LRRC4C: variants seen among roughly 807,000 people sequenced by gnomAD.
LRRC4C encodes the protein leucine rich repeat containing 4C.
A neutral mutation model predicts 33.6 loss-of-function variants in LRRC4C; 5 were observed. That is an observed-to-expected ratio of 0.15 (90% CI 0.08 to 0.31). The LOEUF (loss-of-function observed/expected upper bound fraction) is 0.31. LRRC4C is among the 10% of genes least tolerant of loss of function. The pLI, the probability that LRRC4C is intolerant of heterozygous loss-of-function variation, is 1.00. For missense variants in LRRC4C, 560 were observed against 796.7 expected (o/e 0.70, Z 3.58); for synonymous variants, 329 against 302.0 (o/e 1.09, Z -0.93).
chr11:40,396,937 A>G (rs1949565569), intron 3 of LRRC4C, among the ~76,000 whole-genome samples: 1 of 152,128 alleles, frequency 6.6e-6, no homozygotes, highest in Admixed American at 6.6e-5. Context: ...AAGTATTAAT[A>G]AGATGCAGAT....
intron 4 of LRRC4C, among the ~76,000 whole-genome samples, chr11:40,266,889 A>G (rs1942300358): frequency 6.6e-6 from 1 of 152,066 alleles, no homozygotes; most frequent in Non-Finnish European, 1.5e-5. Flanking sequence ...CATAAAATTC[A>G]CTTCCAGAAG....
chr11:40,430,848 C>CA (rs1270386849), intron 3 of LRRC4C, among the ~76,000 whole-genome samples: 8 of 145,362 alleles, frequency 5.5e-5, no homozygotes, highest in African/African-American at 2.0e-4. Context: ...ATCGCAAGAA[C>CA]AAAAAACCAA....
chr11:40,252,850 A>C (rs1866895401), intron 4 of LRRC4C, among the ~76,000 whole-genome samples: 1 of 152,352 alleles, frequency 6.6e-6, no homozygotes, highest in Non-Finnish European at 1.5e-5. Flanking sequence ...GCACTTTCAT[A>C]TAGACATGTC....
At chr11:41,412,400 T>A (rs1954522877) in intron 1 of LRRC4C, among the ~76,000 whole-genome samples, 1 of 152,214 alleles carries the variant, frequency 6.6e-6, no homozygotes, top group African/African-American at 2.4e-5. Context: ...TATGGTACAA[T>A]TAATCTCATT....
In LRRC4C at chr11:40,384,327, C is replaced by T. The variant is rs191239241; in HGVS notation, c.-269-64606G>A. On this transcript the variant is annotated intron_variant, in intron 3 of 6. Coordinates refer to ENST00000528697, the MANE Select transcript of LRRC4C (RefSeq NM_001258419.2). ...TAAAGAAAAACTATATTGAAATCTTCTTTCTTGTAAACATATTACAAGTAA... is the reference window on the plus strand; with the variant it reads ...TAAAGAAAAACTATATTGAAATCTTTTTTCTTGTAAACATATTACAAGTAA... Among the ~76,000 whole-genome samples the T allele has an allele frequency of 8.7e-4, 133 of 152,176 alleles. 2 individuals are homozygous for T. In the Middle Eastern group the frequency reaches 0.014, roughly 16 times the overall value.
intron 1 of LRRC4C, among the ~76,000 whole-genome samples, chr11:41,052,477 T>C (rs910464798): frequency 2.6e-5 from 4 of 151,716 alleles, no homozygotes; most frequent in Non-Finnish European, 5.9e-5. Context: ...TCTGGTATGT[T>C]CCCGTCCATC....
Position 40,587,434 on chromosome 11 carries a change from C to G in LRRC4C, c.-270+60708G>C, listed in dbSNP as rs1466919667. Among the ~76,000 whole-genome samples the G allele has an allele frequency of 4.0e-3, 588 of 146,746 alleles. 1 individual carries two copies. The highest frequency in any genetic ancestry group is 0.014 in the African/African-American group (532 of 38,508). On this transcript the variant is annotated intron_variant, in intron 3 of 6. Coordinates refer to ENST00000528697, the MANE Select transcript of LRRC4C (RefSeq NM_001258419.2). ...TGTCGTCTGCAAACAGGGACAATTT[C>G]ACTTCCTCTTTTCCTAATTGAATAC...
At chr11:40,649,321 T>A (rs1046797356) in intron 2 of LRRC4C, among the ~76,000 whole-genome samples, 2 of 152,168 alleles carry the variant, frequency 1.3e-5, no homozygotes, top group East Asian at 1.9e-4. Context: ...CCCCCAAGAA[T>A]GCATTCCTTT....
intron 1 of LRRC4C, among the ~76,000 whole-genome samples, chr11:41,172,665 C>A (rs2136104191): frequency 6.6e-6 from 1 of 152,224 alleles, no homozygotes; most frequent in East Asian, 1.9e-4. Flanking sequence ...TTCCTCTCCT[C>A]CAACCAGAAG....
At chr11:40,316,060 T>A (rs1945558451) in intron 4 of LRRC4C, among the ~76,000 whole-genome samples, 1 of 151,952 alleles carries the variant, frequency 6.6e-6, no homozygotes, top group Non-Finnish European at 1.5e-5. Flanking sequence ...CCACTACCAA[T>A]ATAGCCACAT....
intron 2 of LRRC4C, among the ~76,000 whole-genome samples, chr11:40,702,873 C>T (rs1349358605): frequency 1.3e-5 from 2 of 152,086 alleles, no homozygotes; most frequent in African/African-American, 4.8e-5. Context: ...CTTCATCCCC[C>T]TGTGTGAAAA....
intron 2 of LRRC4C, among the ~76,000 whole-genome samples, chr11:40,833,905 T>C (rs1029244445): frequency 3.3e-5 from 5 of 152,164 alleles, no homozygotes; most frequent in Non-Finnish European, 5.9e-5. Context: ...GTTGTATTTC[T>C]GTCAGTAAAT....
At chr11:40,124,332 A>G (rs1440703709) in intron 6 of LRRC4C, among the ~76,000 whole-genome samples, 1 of 152,220 alleles carries the variant, frequency 6.6e-6, no homozygotes, top group African/African-American at 2.4e-5. Flanking sequence ...GGAAATCAAT[A>G]TATGGAAGAA....
At chr11:41,056,830 C>T (rs962652743) in intron 1 of LRRC4C, among the ~76,000 whole-genome samples, 2 of 152,214 alleles carry the variant, frequency 1.3e-5, no homozygotes, top group African/African-American at 4.8e-5. Context: ...GATGGGCCAT[C>T]TGGAGCAGCC....
intron 5 of LRRC4C, among the ~76,000 whole-genome samples, chr11:40,177,882 G>A (rs992239509): frequency 1.3e-5 from 2 of 152,062 alleles, no homozygotes; most frequent in Non-Finnish European, 2.9e-5. Context: ...CTAGAATTGA[G>A]CCTGGCACAT....
At chr11:40,514,035 A>G (rs188583884) in intron 3 of LRRC4C, among the ~76,000 whole-genome samples, 2 of 152,248 alleles carry the variant, frequency 1.3e-5, no homozygotes, top group African/African-American at 2.4e-5. Flanking sequence ...GCAAATAGTA[A>G]TATGTTCTTT....
intron 2 of LRRC4C, among the ~76,000 whole-genome samples, chr11:40,886,918 ATATT>A (rs1293439613): frequency 6.6e-6 from 1 of 150,606 alleles, no homozygotes; most frequent in African/African-American, 2.4e-5. Context: ...CACACAGCAA[ATATT>A]TATATATATA....
intron 2 of LRRC4C, among the ~76,000 whole-genome samples, chr11:40,757,433 G>T (rs1949008959): frequency 6.6e-6 from 1 of 151,960 alleles, no homozygotes; most frequent in Non-Finnish European, 1.5e-5. Flanking sequence ...ATTGCTCAGT[G>T]AATCTATTGC....
At chr11:40,640,265 A>C (rs1184312796) in intron 3 of LRRC4C, among the ~76,000 whole-genome samples, 8 of 152,182 alleles carry the variant, frequency 5.3e-5, no homozygotes, top group African/African-American at 1.9e-4. Context: ...TATTGTGTTA[A>C]GATATTTCTC....
Sources: gnomAD v4.1 joint callset for allele counts (sites outside exome capture counted in the v4.1 genomes callset) on GRCh38, gnomAD v4.1.1 for gene constraint, MANE v1.5 for transcripts, NCBI Gene and HGNC (gene_info 2026-07-23, HGNC 2026-07-21) for gene names.